The following BRD4 variants were observed in gnomAD, a reference collection of about 807,000 sequenced individuals.
BRD4 encodes bromodomain containing 4.
In BRD4, 16 loss-of-function variants were observed where a neutral mutation model predicts 142.1. That is an observed-to-expected ratio of 0.11 (90% CI 0.08 to 0.17). BRD4 has a LOEUF of 0.17. BRD4 is among the 10% of genes least tolerant of loss of function. BRD4 has a pLI of 1.00. For missense variants in BRD4, 1,424 were observed against 1,810.9 expected, an observed-to-expected ratio of 0.79 and a Z score of 3.88; for synonymous variants, 833 against 707.5, an observed-to-expected ratio of 1.18 and a Z score of -2.82.
intron 10 of BRD4, among the ~76,000 whole-genome samples, chr19:15,254,990 G>A (rs2047390277): frequency 6.6e-6 from 1 of 152,146 alleles, no homozygotes; most frequent in Non-Finnish European, 1.5e-5. Flanking sequence ...CTTCCCCAAA[G>A]AGGCCGGAGG....
intron 1 of BRD4, among the ~76,000 whole-genome samples, chr19:15,283,343 G>C (rs187121611): frequency 6.6e-6 from 1 of 151,932 alleles, no homozygotes; most frequent in Admixed American, 6.6e-5. Context: ...AAATTTCTCC[G>C]GATGACATCA....
intron 2 of BRD4, among the ~76,000 whole-genome samples, chr19:15,272,194 G>C (rs2145622437): frequency 6.6e-6 from 1 of 152,252 alleles, no homozygotes; most frequent in East Asian, 1.9e-4. Context: ...AAGAGAAGAG[G>C]GGCGGGCTCA....
At chr19:15,254,114 A>G in intron 11 of BRD4, 38 bp downstream of exon 11, 1 of 1,555,628 alleles carries the variant, frequency 6.4e-7, no homozygotes, top group South Asian at 1.1e-5. Flanking sequence ...ACAGGTGGGA[A>G]GAGTTTGGTA....
chr19:15,254,987 A>G (rs1160155742), intron 10 of BRD4, among the ~76,000 whole-genome samples: 1 of 152,214 alleles, frequency 6.6e-6, no homozygotes, highest in East Asian at 1.9e-4. Flanking sequence ...CTCCTTCCCC[A>G]AAGAGGCCGG....
intron 1 of BRD4, among the ~76,000 whole-genome samples, chr19:15,277,270 C>G (rs2047657595): frequency 6.6e-6 from 1 of 152,086 alleles, no homozygotes; most frequent in Non-Finnish European, 1.5e-5. Flanking sequence ...CAACAGAAAC[C>G]CTATATCATG....
rs150761275 is a variant in BRD4 at position 15,269,019 on chromosome 19, C to T, written c.309G>A (p.Thr103=). Residue 103 remains threonine, a synonymous_variant, in exon 3 of 20, where the codon ACG becomes ACA. Transcript: ENST00000679869. The part of the protein sequence containing the change: ...NLPDYYKIIK[T]PMDMGTIKKR... ...TCTTTATTGTTCCCATATCCATAGG[C>T]GTTTTAATGATCTTATAGTAATCCT... 3.7e-4 allele frequency: 605 copies of T among 1,614,084 alleles called. No individual in the cohort carries two copies. Among genetic ancestry groups the T allele is most frequent in the Non-Finnish European group, 4.8e-4 (561 of 1,180,050 alleles).
At chr19:15,255,858 T>C (rs962203971) in intron 9 of BRD4, among the ~76,000 whole-genome samples, 2 of 152,174 alleles carry the variant, frequency 1.3e-5, no homozygotes, top group Non-Finnish European at 2.9e-5. Flanking sequence ...CATGGTGAGC[T>C]CCGAAGGCTC....
At chr19:15,242,332 G>T (rs939201930) in intron 14 of BRD4, among the ~76,000 whole-genome samples, 1 of 152,132 alleles carries the variant, frequency 6.6e-6, no homozygotes, top group African/African-American at 2.4e-5. Flanking sequence ...ACACTTAAGC[G>T]CCCAGGAAAA....
At chr19:15,316,377 A>C (rs1287793051) in intron 1 of BRD4, among the ~76,000 whole-genome samples, 2 of 151,886 alleles carry the variant, frequency 1.3e-5, no homozygotes, top group African/African-American at 4.8e-5. Flanking sequence ...ATCACCTGAG[A>C]TCAGGAGTTC....
chr19:15,322,078 A>G (rs559831842), intron 1 of BRD4, among the ~76,000 whole-genome samples: 9 of 152,168 alleles, frequency 5.9e-5, no homozygotes, highest in Non-Finnish European at 1.0e-4. Flanking sequence ...CATGGAAACC[A>G]ATGTAATTCA....
At chr19:15,249,306 G>C in intron 11 of BRD4, 2 of 1,613,970 alleles carry the variant, frequency 1.2e-6, no homozygotes, top group Non-Finnish European at 8.5e-7. Context: ...TAGAGGGAGA[G>C]AGAAACCAGT....
intron 1 of BRD4, among the ~76,000 whole-genome samples, chr19:15,297,782 GAT>G (rs907259340): frequency 8.6e-4 from 131 of 152,300 alleles, no homozygotes; most frequent in African/African-American, 3.1e-3. Flanking sequence ...CACAGCAGAT[GAT>G]GTAAGAGGCA....
intron 1 of BRD4, among the ~76,000 whole-genome samples, chr19:15,302,694 A>T (rs923162598): frequency 5.3e-5 from 7 of 131,118 alleles, no homozygotes; most frequent in African/African-American, 2.0e-4. Flanking sequence ...AAAAAAAAAA[A>T]GGATTAAAAA....
At chr19:15,249,255 T>TA in intron 11 of BRD4, 1 of 1,613,990 alleles carries the variant, frequency 6.2e-7, no homozygotes, top group Non-Finnish European at 8.5e-7. Context: ...TGAAGACCGT[T>TA]TTATTAAGAG....
chr19:15,255,207 G>T (rs1269971906), intron 10 of BRD4, 90 bp downstream of exon 10: 33 of 1,281,096 alleles, frequency 2.6e-5, no homozygotes, highest in African/African-American at 4.5e-5. Context: ...AAAGGGGGGG[G>T]GCGCAGAAAG....
intron 5 of BRD4, 100 bp downstream of exon 5, chr19:15,265,254 C>G (rs2047519330): frequency 8.5e-7 from 1 of 1,183,396 alleles, no homozygotes; most frequent in East Asian, 2.7e-5. Context: ...AAACACCCAC[C>G]AGTGCCCGGG....
At chr19:15,310,759 T>G (rs2047963221) in intron 1 of BRD4, among the ~76,000 whole-genome samples, 1 of 150,282 alleles carries the variant, frequency 6.7e-6, no homozygotes, top group Non-Finnish European at 1.5e-5. Context: ...CCTCCCAAAG[T>G]GCTAGGATTA....
At position 15,262,714 on chromosome 19, in the gene BRD4, C is replaced by T. The variant is rs548905642; in HGVS notation, c.1341+706G>A. ...CTCCAGCCTGGGTGACAGAACGAGA[C>T]CCTGTCTCCAATAATTAAAACAAAA... On this transcript the variant is annotated intron_variant, in intron 7 of 19. Coordinates refer to ENST00000679869, the MANE Select transcript of BRD4 (RefSeq NM_001379291.1). Among the ~76,000 whole-genome samples, 192 of 151,796 alleles carry T rather than the reference C, an allele frequency of 1.3e-3. 3 individuals carry two copies. The South Asian group carries it at 0.027, about 22-fold the overall frequency.
intron 7 of BRD4, among the ~76,000 whole-genome samples, chr19:15,260,822 AAAACCC>A: frequency 6.6e-6 from 1 of 151,898 alleles, no homozygotes; most frequent in Middle Eastern, 3.4e-3. Flanking sequence ...AAAACCACTT[AAAACCC>A]AAAAATCTTT....
Sources: gnomAD v4.1 joint callset for allele counts (sites outside exome capture counted in the v4.1 genomes callset) on GRCh38, gnomAD v4.1.1 for gene constraint, MANE v1.5 for transcripts, NCBI Gene and HGNC (gene_info 2026-07-23, HGNC 2026-07-21) for gene names.